XKR4: variants seen among roughly 807,000 people sequenced by gnomAD.
XKR4 encodes the protein XK-related protein 4.
In XKR4, 12 loss-of-function variants were observed where a neutral mutation model predicts 53.9. The observed-to-expected ratio is 0.22, with a 90% CI of 0.14 to 0.36. The LOEUF is 0.36. Ranked by LOEUF, XKR4 falls within the 10% of genes least tolerant of loss-of-function variation. The pLI is 1.00. For missense variants in XKR4, 799 were observed against 859.5 expected (o/e 0.93, Z 0.88); for synonymous variants, 354 against 362.4 (o/e 0.98, Z 0.26).
intron 1 of XKR4, among the ~76,000 whole-genome samples, chr8:55,264,425 G>A (rs2129371537): frequency 6.6e-6 from 1 of 152,302 alleles, no homozygotes; most frequent in Non-Finnish European, 1.5e-5. Flanking sequence ...AAACATAGAA[G>A]TCCTTAGGAA....
chr8:55,487,557 C>G (rs1169211231), intron 2 of XKR4, among the ~76,000 whole-genome samples: 1 of 151,872 alleles, frequency 6.6e-6, no homozygotes, highest in Admixed American at 6.6e-5. Flanking sequence ...ACCTCTGCCT[C>G]CCAGGGTCAA....
At chr8:55,444,877 T>C (rs1174164524) in intron 2 of XKR4, among the ~76,000 whole-genome samples, 1 of 152,158 alleles carries the variant, frequency 6.6e-6, no homozygotes, top group Non-Finnish European at 1.5e-5. Flanking sequence ...ACTATATAAA[T>C]ACAAGATGAT....
intron 2 of XKR4, among the ~76,000 whole-genome samples, chr8:55,417,081 G>A (rs1408249307): frequency 2.0e-5 from 3 of 152,202 alleles, no homozygotes; most frequent in African/African-American, 7.2e-5. Flanking sequence ...CATCAGAGGT[G>A]TTAAAGGTCC....
rs1030252340 is a variant in XKR4 at position 55,485,986 on chromosome 8, A to T, written c.1007-37295A>T. Among the ~76,000 whole-genome samples, 4 of 152,372 alleles carry T rather than the reference A, an allele frequency of 2.6e-5. No homozygotes were observed. The East Asian group carries it at 7.7e-4, about 29-fold the overall frequency. On this transcript the variant is annotated intron_variant, in intron 2 of 2. Coordinates refer to ENST00000327381, the MANE Select transcript of XKR4 (RefSeq NM_052898.2). ...TTACATTCTTAAAAGGGAATTTAAG[A>T]AACATAAAACATGAAAGAATACTAC... is the stretch of plus-strand genomic sequence containing the variant.
At chr8:55,511,498 C>T (rs542162138) in intron 2 of XKR4, among the ~76,000 whole-genome samples, 2 of 152,148 alleles carry the variant, frequency 1.3e-5, no homozygotes, top group Admixed American at 6.5e-5. Context: ...TTTTCAGCAT[C>T]GGGAGGAACC....
chr8:55,455,183 G>T, intron 2 of XKR4: 1 of 499,466 alleles, frequency 2.0e-6, no homozygotes, highest in East Asian at 4.3e-5. Context: ...GGACTCGAGG[G>T]CTGCGCGCTC....
chr8:55,478,545 A>G (rs1296927131), intron 2 of XKR4, among the ~76,000 whole-genome samples: 1 of 152,144 alleles, frequency 6.6e-6, no homozygotes, highest in Non-Finnish European at 1.5e-5. Flanking sequence ...CTCCACACAT[A>G]ACAATATTAA....
intron 2 of XKR4, among the ~76,000 whole-genome samples, chr8:55,491,650 G>GTTTTTTT (rs1423646981): frequency 4.6e-5 from 7 of 151,624 alleles, no homozygotes; most frequent in Non-Finnish European, 1.0e-4. Flanking sequence ...TTGTTTGTTT[G>GTTTTTTT]TTTGTTTTTT....
chr8:55,320,115 G>A (rs550727809), intron 1 of XKR4, among the ~76,000 whole-genome samples: 25 of 152,330 alleles, frequency 1.6e-4, no homozygotes, highest in Admixed American at 7.8e-4. Context: ...TGCGTTCAAT[G>A]TGTTATATTA....
chr8:55,528,158 C>G lies in XKR4; in HGVS notation c.*3931C>G, dbSNP rs1563374267. On this transcript the variant is annotated 3_prime_UTR_variant, in exon 3 of 3. Transcript: ENST00000327381. ...CATTTTCCTGCTCCTTTTTCAAAAC[C>G]AACCCAAGCTTACAGTCCATCTATA... The G allele has an allele frequency of 6.6e-6, 1 of 152,128 alleles. No homozygotes were observed. Among genetic ancestry groups the G allele is most frequent in the Non-Finnish European group, 1.5e-5 (1 of 68,014 alleles). 9.4% of individuals were successfully genotyped at this position (152,128 alleles called of 1,614,324 possible). A position where few individuals can be genotyped will look rare whatever the true frequency, so the allele number is the denominator to read the frequency against.
intron 1 of XKR4, among the ~76,000 whole-genome samples, chr8:55,304,483 G>A (rs1362672184): frequency 1.3e-5 from 2 of 152,154 alleles, no homozygotes; most frequent in African/African-American, 2.4e-5. Context: ...GTTGATTTGG[G>A]GTGGAGAGTT....
chr8:55,397,546 C>T (rs1804539505), intron 2 of XKR4, among the ~76,000 whole-genome samples: 1 of 150,896 alleles, frequency 6.6e-6, no homozygotes, highest in African/African-American at 2.4e-5. Context: ...GGGCTGTGAC[C>T]TTGCCTCCAC....
intron 2 of XKR4, among the ~76,000 whole-genome samples, chr8:55,408,992 G>C (rs542335941): frequency 1.4e-4 from 19 of 139,998 alleles, no homozygotes; most frequent in Non-Finnish European, 2.2e-4. Context: ...GGACGACAGA[G>C]CAAGACTCCG....
Position 55,523,835 on chromosome 8 carries a change from G to C in XKR4, c.1561G>C (p.Gly521Arg). 1 of 1,614,106 alleles carries C rather than the reference G, an allele frequency of 6.2e-7. No individual in the cohort carries two copies. The highest frequency in any genetic ancestry group is 1.3e-5 in the African/African-American group (1 of 75,002). The change falls in exon 3 of 3, where the codon GGG (glycine) becomes CGG (arginine). Residue 521 changes from glycine to arginine, a missense_variant. Gly to Arg is a moderately radical substitution (Grantham distance 125). This residue lies in a region of XKR4 where 269 missense variants were observed against 264.4 expected (regional missense o/e 1.02). Transcript: ENST00000327381. Reference sequence around the variant, plus strand: ...CTTTCATCCCAATGGACCCAGATTCGGGCAGTCACCAAGTTGTGCTTGTGA... The same window carrying C: ...CTTTCATCCCAATGGACCCAGATTCCGGCAGTCACCAAGTTGTGCTTGTGA... Reference protein sequence around the residue: ...AFFHPNGPRFGQSPSCACEDP... With the variant: ...AFFHPNGPRFRQSPSCACEDP...
At chr8:55,294,989 T>A (rs1819082034) in intron 1 of XKR4, among the ~76,000 whole-genome samples, 1 of 152,232 alleles carries the variant, frequency 6.6e-6, no homozygotes, top group Admixed American at 6.5e-5. Flanking sequence ...TCTCATTTTC[T>A]TTCTCCTTAT....
chr8:55,519,476 C>CT (rs905426020), intron 2 of XKR4, among the ~76,000 whole-genome samples: 18 of 151,530 alleles, frequency 1.2e-4, no homozygotes, highest in East Asian at 9.7e-4. Context: ...TTAGGAACAC[C>CT]TTTTTTTTTC....
intron 1 of XKR4, among the ~76,000 whole-genome samples, chr8:55,157,482 A>C (rs959344369): frequency 1.3e-5 from 2 of 151,912 alleles, no homozygotes; most frequent in Non-Finnish European, 2.9e-5. Context: ...ATACCTCTAA[A>C]CGTTTTTGGA....
chr8:55,132,045 G>C (rs1276424231), intron 1 of XKR4, among the ~76,000 whole-genome samples: 3 of 152,206 alleles, frequency 2.0e-5, no homozygotes, highest in Non-Finnish European at 4.4e-5. Context: ...TCATTGGTCA[G>C]GCCATGGGAA....
At chr8:55,320,903 A>G (rs1326615654) in intron 1 of XKR4, among the ~76,000 whole-genome samples, 1 of 151,976 alleles carries the variant, frequency 6.6e-6, no homozygotes, top group African/African-American at 2.4e-5. Context: ...GGTAGCCACA[A>G]ACTCCTTGAA....
Sources: gnomAD v4.1 joint callset for allele counts (sites outside exome capture counted in the v4.1 genomes callset) on GRCh38, gnomAD v4.1.1 for gene constraint, gnomAD v4.1.1 regional missense constraint, MANE v1.5 for transcripts, NCBI Gene and HGNC (gene_info 2026-07-23, HGNC 2026-07-21) for gene names.